Variants in ZDHHC11 observed in about 807,000 individuals in gnomAD.
ZDHHC11 encodes palmitoyltransferase ZDHHC11.
A neutral mutation model predicts 51.3 loss-of-function variants in ZDHHC11; 44 were observed. The ratio of observed to expected loss-of-function variants is 0.86; its 90% confidence interval spans 0.67 to 1.10. The LOEUF (loss-of-function observed/expected upper bound fraction) is 1.10. Ranked by LOEUF, ZDHHC11 falls within the 50% of genes least tolerant of loss-of-function variation. ZDHHC11 has a pLI of 0.00. For synonymous variants in ZDHHC11, 163 were observed against 222.0 expected (o/e 0.73, Z 2.36); for missense variants, 400 against 537.7 (o/e 0.74, Z 2.53).
chr5:817,691 CTG>C (rs568344858), intron 10 of ZDHHC11, among the ~76,000 whole-genome samples: 4 of 151,216 alleles, frequency 2.6e-5, no homozygotes, highest in Non-Finnish European at 4.4e-5. Flanking sequence ...TGGGACTGAG[CTG>C]TGTGTGTGTG....
chr5:828,213 G>A (rs1445347361), intron 7 of ZDHHC11, among the ~76,000 whole-genome samples: 9 of 151,178 alleles, frequency 6.0e-5, no homozygotes, highest in African/African-American at 9.8e-5. Context: ...CCACAAAACC[G>A]CCATTGTCAT....
chr5:833,879 T>G (rs1226641853), intron 6 of ZDHHC11, 72 bp from the exon 7 acceptor site: 3 of 1,575,180 alleles, frequency 1.9e-6, no homozygotes, highest in Non-Finnish European at 2.6e-6. Flanking sequence ...TACATAAAAG[T>G]GACGTCTATT....
chr5:849,448 G>A (rs976543014), intron 1 of ZDHHC11, among the ~76,000 whole-genome samples: 9 of 152,160 alleles, frequency 5.9e-5, no homozygotes, highest in African/African-American at 1.9e-4. Flanking sequence ...CCTGAGCACT[G>A]GGAGAGAAGA....
At chr5:812,233 T>C (rs1411908894) in intron 11 of ZDHHC11, among the ~76,000 whole-genome samples, 6 of 150,396 alleles carry the variant, frequency 4.0e-5, no homozygotes, top group Admixed American at 1.3e-4. Context: ...ACAGGTACAT[T>C]TGACAACTGA....
chr5:833,045 T>TAC (rs148278586), intron 7 of ZDHHC11, among the ~76,000 whole-genome samples: 1 of 34,728 alleles, frequency 2.9e-5, no homozygotes, highest in African/African-American at 6.9e-5. Context: ...TGAAAAAATG[T>TAC]TGTCGTAATT....
At chr5:846,823 C>G (rs1228982457) in intron 3 of ZDHHC11, among the ~76,000 whole-genome samples, 3 of 145,530 alleles carry the variant, frequency 2.1e-5, no homozygotes, top group African/African-American at 5.3e-5. Flanking sequence ...CACGTCTCAT[C>G]TGTGAGCCTC....
At chr5:845,770 T>C (rs1328780777) in intron 3 of ZDHHC11, among the ~76,000 whole-genome samples, 10 of 151,164 alleles carry the variant, frequency 6.6e-5, no homozygotes, top group East Asian at 1.9e-4. Flanking sequence ...AGAAGCGAGG[T>C]TGGCACAGAT....
At chr5:797,901 T>C (rs1467819707) in intron 12 of ZDHHC11, among the ~76,000 whole-genome samples, 2 of 150,846 alleles carry the variant, frequency 1.3e-5, no homozygotes, top group East Asian at 3.9e-4. Context: ...GGAATTATGC[T>C]TGGCTCCTGG....
intron 11 of ZDHHC11, among the ~76,000 whole-genome samples, chr5:806,253 G>A (rs1482042286): frequency 6.0e-5 from 9 of 151,056 alleles, no homozygotes; most frequent in Admixed American, 5.3e-4. Flanking sequence ...TCAAATATGT[G>A]CATAAATGGA....
Position 804,742 on chromosome 5 carries a change from A to G in ZDHHC11, c.1182-3578T>C, listed in dbSNP as rs112360410. 4.6e-4 allele frequency among the ~76,000 whole-genome samples: 70 copies of G among 151,512 alleles called. 2 individuals carry two copies. Among genetic ancestry groups the G allele is most frequent in the Middle Eastern group, 3.4e-3 (1 of 294 alleles). On this transcript the variant is annotated intron_variant, in intron 11 of 12. Transcript: ENST00000283441. ...GGTGGAAAATACCTGTCAACCAAGA[A>G]TTCTATATGTGACAAATCTATCCTT... is the stretch of plus-strand genomic sequence containing the variant.
chr5:823,619 C>G (rs1741853247), intron 8 of ZDHHC11: 1 of 165,662 alleles, frequency 6.0e-6, no homozygotes, highest in Non-Finnish European at 1.3e-5. Flanking sequence ...AGATGGAATT[C>G]TCCTCCCCGA....
chr5:854,829 G>T (rs1338120772), upstream of ZDHHC11, among the ~76,000 whole-genome samples: 1 of 135,624 alleles, frequency 7.4e-6, no homozygotes. Context: ...ACAGCGAGCC[G>T]GGGGGCACAG....
In ZDHHC11 at chr5:848,667, T is replaced by G; in HGVS notation, c.223-7A>C. 1 of 1,608,764 alleles carries G rather than the reference T, an allele frequency of 6.2e-7. No individual in the cohort carries two copies. The highest frequency in any genetic ancestry group is 8.5e-7 in the Non-Finnish European group (1 of 1,177,146). ...AGAAGATCCCCCCGGTCACCTGGCA[T>G]GTCAAGGAAGAACCTGGCCCAGGGC... is the stretch of plus-strand genomic sequence containing the variant. On this transcript the variant is annotated splice_region_variant and splice_polypyrimidine_tract_variant and intron_variant, in intron 1 of 12. Coordinates refer to ENST00000283441, the MANE Select transcript of ZDHHC11 (RefSeq NM_024786.3).
intron 12 of ZDHHC11, among the ~76,000 whole-genome samples, chr5:799,758 A>G (rs1403440734): frequency 1.3e-5 from 2 of 151,568 alleles, no homozygotes; most frequent in East Asian, 1.9e-4. Flanking sequence ...TGTCCTCCAT[A>G]CCACTGAGAC....
chr5:802,901 G>C (rs1288112819), intron 11 of ZDHHC11, among the ~76,000 whole-genome samples: 5 of 125,762 alleles, frequency 4.0e-5, no homozygotes, highest in Non-Finnish European at 6.5e-5. Context: ...AGTGCCTGTA[G>C]TCCCAGTTAC....
chr5:819,236 C>G (rs1211044057), intron 10 of ZDHHC11, among the ~76,000 whole-genome samples: 1 of 151,604 alleles, frequency 6.6e-6, no homozygotes, highest in Non-Finnish European at 1.5e-5. Flanking sequence ...CACTTCAGAG[C>G]CTGCCCTGGG....
At chr5:800,138 C>A (rs533779733) in intron 12 of ZDHHC11, among the ~76,000 whole-genome samples, 36 of 150,752 alleles carry the variant, frequency 2.4e-4, no homozygotes, top group South Asian at 4.2e-4. Context: ...AGACCTTGAC[C>A]TTCCTCAGGG....
chr5:821,976 C>G (rs1741633370), intron 8 of ZDHHC11, 81 bp from the exon 9 acceptor site: 3 of 1,262,206 alleles, frequency 2.4e-6, no homozygotes, highest in Non-Finnish European at 3.4e-6. Flanking sequence ...CATTTCTAGT[C>G]AGTTCTGACA....
chr5:850,345 C>T (rs192521234), intron 1 of ZDHHC11, 36 bp downstream of exon 1: 27 of 1,600,286 alleles, frequency 1.7e-5, no homozygotes, highest in Non-Finnish European at 2.2e-5. Context: ...TCCAGGAACC[C>T]CTCCCGCTTA....
Sources: gnomAD v4.1 joint callset for allele counts (sites outside exome capture counted in the v4.1 genomes callset) on GRCh38, gnomAD v4.1.1 for gene constraint, MANE v1.5 for transcripts, NCBI Gene and HGNC (gene_info 2026-07-23, HGNC 2026-07-21) for gene names.